LUZP2: variants seen among roughly 807,000 people sequenced by gnomAD.
LUZP2 encodes the protein leucine zipper protein 2.
A neutral mutation model predicts 51.6 loss-of-function variants in LUZP2; 52 were observed. The observed-to-expected ratio is 1.01, with a 90% CI of 0.81 to 1.27. The LOEUF is 1.27. LUZP2 is among the 50% of genes most tolerant of loss of function. LUZP2 has a pLI of 0.00. For synonymous variants in LUZP2, 154 were observed against 137.3 expected (o/e 1.12, Z -0.85); for missense variants, 436 against 395.4 (o/e 1.10, Z -0.87).
intron 1 of LUZP2, among the ~76,000 whole-genome samples, chr11:24,662,281 G>GA (rs912648300): frequency 2.1e-4 from 31 of 149,756 alleles, no homozygotes; most frequent in Non-Finnish European, 3.1e-4. Flanking sequence ...AGTTTTCTGT[G>GA]AAAAAAAAAT....
At chr11:24,525,113 G>C (rs1445438101) in intron 1 of LUZP2, among the ~76,000 whole-genome samples, 11 of 151,630 alleles carry the variant, frequency 7.3e-5, no homozygotes, top group Admixed American at 7.2e-4. Flanking sequence ...TCTGCCTGTT[G>C]AATATTTTTC....
At position 24,511,412 on chromosome 11, in the gene LUZP2, T is replaced by TAA. The variant is rs3077882; in HGVS notation, c.62+14115_62+14116dup. Among the ~76,000 whole-genome samples the TAA allele has an allele frequency of 3.1e-3, 469 of 151,112 alleles. 3 individuals are homozygous for TAA. The highest frequency in any genetic ancestry group is 0.013 in the East Asian group (67 of 5,128). ...ACAATTTTTTTAATTAATTAAAAAA[T>TAA]AAAAAAAAATACAATGGCAAGATTT... On this transcript the variant is annotated intron_variant, in intron 1 of 11. Coordinates refer to ENST00000336930, the MANE Select transcript of LUZP2 (RefSeq NM_001009909.4).
chr11:25,042,232 G>A (rs1858089118), intron 9 of LUZP2, among the ~76,000 whole-genome samples: 1 of 149,784 alleles, frequency 6.7e-6, no homozygotes, highest in Non-Finnish European at 1.5e-5. Context: ...TTTTTTAATG[G>A]CACAAGAAAA....
At chr11:25,018,603 C>CT (rs755246752) in intron 9 of LUZP2, among the ~76,000 whole-genome samples, 1,137 of 108,820 alleles carry the variant, frequency 0.01, 5 homozygotes, top group African/African-American at 0.016. Flanking sequence ...TTCCTTTTTC[C>CT]TTTTTTTTTT....
At chr11:25,024,249 C>T (rs1273318547) in intron 9 of LUZP2, among the ~76,000 whole-genome samples, 1 of 152,052 alleles carries the variant, frequency 6.6e-6, no homozygotes, top group Non-Finnish European at 1.5e-5. Flanking sequence ...GACAGGGATG[C>T]CCTCTCTCAC....
At chr11:24,805,988 G>C (rs1036999766) in intron 5 of LUZP2, among the ~76,000 whole-genome samples, 1 of 152,144 alleles carries the variant, frequency 6.6e-6, no homozygotes, top group African/African-American at 2.4e-5. Flanking sequence ...CAGAAAGCCT[G>C]TTGCAAAGAA....
intron 8 of LUZP2, among the ~76,000 whole-genome samples, chr11:24,979,464 A>C (rs1316407268): frequency 2.0e-5 from 3 of 151,822 alleles, no homozygotes; most frequent in East Asian, 3.9e-4. Flanking sequence ...TTAAAATACT[A>C]TTTGAGTATT....
intron 5 of LUZP2, among the ~76,000 whole-genome samples, chr11:24,866,931 G>A (rs546025904): frequency 6.6e-6 from 1 of 152,122 alleles, no homozygotes; most frequent in South Asian, 2.1e-4. Flanking sequence ...AGATAAGACT[G>A]AGGCCATGTG....
intron 7 of LUZP2, among the ~76,000 whole-genome samples, chr11:24,968,209 A>T (rs1855642975): frequency 6.6e-6 from 1 of 151,982 alleles, no homozygotes; most frequent in African/African-American, 2.4e-5. Flanking sequence ...AATAGGCCTT[A>T]TTCTAGGGCA....
intron 7 of LUZP2, among the ~76,000 whole-genome samples, chr11:24,956,484 C>A (rs1401708199): frequency 6.6e-6 from 1 of 152,002 alleles, no homozygotes; most frequent in African/African-American, 2.4e-5. Flanking sequence ...CTGCTATTGG[C>A]AGTAATATAA....
chr11:24,968,993 T>C (rs1190769176), intron 7 of LUZP2, among the ~76,000 whole-genome samples: 1 of 152,196 alleles, frequency 6.6e-6, no homozygotes, highest in Non-Finnish European at 1.5e-5. Flanking sequence ...AAGCAGATAA[T>C]TTGAATCCTT....
intron 5 of LUZP2, chr11:24,891,903 A>G (rs1398577895): frequency 3.0e-6 from 3 of 985,504 alleles, no homozygotes; most frequent in Non-Finnish European, 3.6e-6. Context: ...AAGGATTACT[A>G]AGGGAGAATT....
In LUZP2 at chr11:24,723,616, C is replaced by A. The variant is rs960868376; in HGVS notation, c.63-5553C>A. ...TGAGGCAGGAGAATTATTTGAAGCC[C>A]AGAGTTCAAGACCCTGCTGGGAAAC... On this transcript the variant is annotated intron_variant, in intron 1 of 11. Coordinates refer to ENST00000336930, the MANE Select transcript of LUZP2 (RefSeq NM_001009909.4). Among the ~76,000 whole-genome samples, 11 of 152,036 alleles carry A rather than the reference C, an allele frequency of 7.2e-5. No homozygotes were observed. The East Asian group carries it at 2.1e-3, about 29-fold the overall frequency.
chr11:25,013,899 G>T (rs1030702395), intron 9 of LUZP2, among the ~76,000 whole-genome samples: 5 of 151,436 alleles, frequency 3.3e-5, no homozygotes, highest in African/African-American at 7.3e-5. Flanking sequence ...TCCCTCCCCT[G>T]TCCCCCCACC....
At chr11:24,711,006 A>G (rs948262585) in intron 1 of LUZP2, among the ~76,000 whole-genome samples, 2 of 151,772 alleles carry the variant, frequency 1.3e-5, no homozygotes, top group African/African-American at 2.4e-5. Context: ...AGAGAGGGGG[A>G]AAAAAGAAAA....
At position 24,624,501 on chromosome 11, in the gene LUZP2, C is replaced by CAT. The variant is rs1044830037; in HGVS notation, c.63-104660_63-104659dup. Among the ~76,000 whole-genome samples the CAT allele has an allele frequency of 2.6e-5, 4 of 151,926 alleles. No individual in the cohort carries two copies. The South Asian group carries it at 6.2e-4, about 24-fold the overall frequency. On this transcript the variant is annotated intron_variant, in intron 1 of 11. Transcript: ENST00000336930. Reference sequence around the variant, plus strand: ...TCAAAGTATAAAACATATATAAAGTCATATATATAAGAACTGAGCTTTCCA... The same window carrying CAT: ...TCAAAGTATAAAACATATATAAAGTCATATATATATAAGAACTGAGCTTTCCA...
chr11:24,866,026 C>T (rs574644824), intron 5 of LUZP2, among the ~76,000 whole-genome samples: 24 of 151,568 alleles, frequency 1.6e-4, no homozygotes, highest in Non-Finnish European at 2.9e-4. Context: ...CCAGGTTGGT[C>T]TCGAACTCTT....
intron 10 of LUZP2, among the ~76,000 whole-genome samples, chr11:25,067,116 A>G (rs1261278603): frequency 6.6e-6 from 1 of 151,990 alleles, no homozygotes; most frequent in Non-Finnish European, 1.5e-5. Flanking sequence ...TGGGAAGTTA[A>G]TTATACTCTG....
intron 1 of LUZP2, among the ~76,000 whole-genome samples, chr11:24,599,726 T>A (rs1354576052): frequency 6.6e-6 from 1 of 152,218 alleles, no homozygotes; most frequent in East Asian, 1.9e-4. Flanking sequence ...TACAGAAACA[T>A]CTGAGAGTCT....
Sources: allele counts gnomAD v4.1 joint callset (sites outside exome capture counted in the v4.1 genomes callset), GRCh38; gene constraint gnomAD v4.1.1; transcripts MANE v1.5; gene names NCBI Gene and HGNC (gene_info 2026-07-23, HGNC 2026-07-21).